Variants in ZNF644 observed in about 807,000 individuals in gnomAD.
The protein encoded by ZNF644 is zinc finger protein 644.
A neutral mutation model predicts 108.0 loss-of-function variants in ZNF644; 20 were observed. The ratio of observed to expected loss-of-function variants is 0.19; its 90% CI spans 0.13 to 0.27. The LOEUF (loss-of-function observed/expected upper bound fraction) is 0.27, where lower values mean the gene tolerates loss of function less well. ZNF644 is among the 10% of genes least tolerant of loss of function. ZNF644 has a pLI of 1.00. For missense variants in ZNF644, 1,338 were observed against 1,548.9 expected, an observed-to-expected ratio of 0.86 and a Z score of 2.29; for synonymous variants, 542 against 539.1, an observed-to-expected ratio of 1.01 and a Z score of -0.08.
chr1:90,987,519 G>A (rs1018509737), intron 1 of ZNF644, among the ~76,000 whole-genome samples: 1 of 152,002 alleles, frequency 6.6e-6, no homozygotes, highest in African/African-American at 2.4e-5. Context: ...CTAGTAAACA[G>A]AGATTGGATG....
intron 2 of ZNF644, among the ~76,000 whole-genome samples, chr1:90,969,499 T>C (rs568463924): frequency 1.3e-5 from 2 of 152,312 alleles, no homozygotes; most frequent in East Asian, 3.9e-4. Flanking sequence ...ATTCCAAAAA[T>C]AAACAATTCA....
intron 1 of ZNF644, among the ~76,000 whole-genome samples, chr1:90,991,295 A>T (rs780340481): frequency 1.3e-5 from 2 of 152,010 alleles, no homozygotes; most frequent in Non-Finnish European, 2.9e-5. Context: ...TTGGTGAACA[A>T]GTGGAGGAAC....
chr1:91,001,012 A>G (rs906945151), intron 1 of ZNF644, among the ~76,000 whole-genome samples: 2 of 152,228 alleles, frequency 1.3e-5, no homozygotes, highest in Non-Finnish European at 2.9e-5. Flanking sequence ...GAATAGACCA[A>G]TAACAGACTC....
chr1:91,015,534 G>T (rs1435750781), intron 1 of ZNF644, among the ~76,000 whole-genome samples: 1 of 152,206 alleles, frequency 6.6e-6, no homozygotes, highest in East Asian at 1.9e-4. Context: ...AAAGGAGAGT[G>T]AAGAAATTCA....
rs1022848787 is a variant in ZNF644, at chr1:90,924,251, A to T, written c.3689-6097T>A. Among the ~76,000 whole-genome samples, 12 of 152,308 alleles carry T rather than the reference A, an allele frequency of 7.9e-5. 1 individual carries two copies. The highest frequency in any genetic ancestry group is 7.2e-4 in the Admixed American group (11 of 15,294). On this transcript the variant is annotated intron_variant, in intron 4 of 5. Coordinates refer to ENST00000337393, the MANE Select transcript of ZNF644 (RefSeq NM_201269.3). The stretch of plus-strand genomic sequence containing the variant: ...TTACTTCTTTGTGGTGACAGGTAAG[A>T]AAATAACATTTAAAAATTTCTTTTC...
chr1:90,936,860 G>C (rs1267328583), intron 4 of ZNF644, among the ~76,000 whole-genome samples: 2 of 152,156 alleles, frequency 1.3e-5, no homozygotes, highest in African/African-American at 2.4e-5. Context: ...TGTTCCATTA[G>C]AGCACTATCT....
At chr1:90,952,208 G>A (rs548096340) in intron 2 of ZNF644, among the ~76,000 whole-genome samples, 12 of 152,114 alleles carry the variant, frequency 7.9e-5, no homozygotes, top group Non-Finnish European at 1.5e-4. Flanking sequence ...GTAAAGACTG[G>A]CTTTGTTAAA....
chr1:90,980,944 T>C (rs1656487716), intron 2 of ZNF644, among the ~76,000 whole-genome samples: 2 of 152,134 alleles, frequency 1.3e-5, no homozygotes, highest in African/African-American at 2.4e-5. Flanking sequence ...AATTTTATGT[T>C]ACCATATATA....
rs186842199 is a variant in ZNF644 at position 90,960,360 on chromosome 1, T to C, written c.45-19051A>G. Among the ~76,000 whole-genome samples, 351 of 152,156 alleles carry C rather than the reference T, an allele frequency of 2.3e-3. 1 individual carries two copies. Among genetic ancestry groups the C allele is most frequent in the Non-Finnish European group, 4.3e-3 (290 of 67,968 alleles). ...ATGAACGTGGTGCATTTTAAGAGCT[T>C]AGGTAAAACAGAAAAGGCATTAAAT... On this transcript the variant is annotated intron_variant, in intron 2 of 5. Transcript: ENST00000337393.
rs1409547768 is a variant in ZNF644 at position 90,915,352 on chromosome 1, T to C, written c.*1446A>G. 6.6e-6 allele frequency: 1 copy of C among 152,602 alleles called. No individual in the cohort carries two copies. The highest frequency in any genetic ancestry group is 1.5e-5 in the Non-Finnish European group (1 of 68,002). The allele number at this position is 152,602 out of a possible 1,614,324, so 9.5% of individuals were successfully genotyped here. A position where few individuals can be genotyped will look rare whatever the true frequency, so the allele number is the denominator to read the frequency against. ...TAGAGATTTTTCTGGTAAGGAGATA[T>C]ACCATAGGAAAGCAATTTCACTGGC... On this transcript the variant is annotated 3_prime_UTR_variant, in exon 6 of 6. Coordinates refer to ENST00000337393, the MANE Select transcript of ZNF644 (RefSeq NM_201269.3).
chr1:90,959,238 A>G (rs1240591714), intron 2 of ZNF644, among the ~76,000 whole-genome samples: 1 of 152,198 alleles, frequency 6.6e-6, no homozygotes, highest in Non-Finnish European at 1.5e-5. Flanking sequence ...AGCTTTAATA[A>G]ACAAACGAAA....
chr1:90,970,236 A>C (rs1655318257), intron 2 of ZNF644, among the ~76,000 whole-genome samples: 1 of 152,184 alleles, frequency 6.6e-6, no homozygotes, highest in South Asian at 2.1e-4. Context: ...AAACATATGG[A>C]TCTCCTTTCA....
At chr1:90,944,658 T>C (rs982826445) in intron 2 of ZNF644, among the ~76,000 whole-genome samples, 4 of 152,164 alleles carry the variant, frequency 2.6e-5, no homozygotes, top group South Asian at 2.1e-4. Context: ...ATCTATACTG[T>C]CCATTTTCTG....
chr1:90,991,343 T>C (rs1019041380), intron 1 of ZNF644, among the ~76,000 whole-genome samples: 2 of 152,198 alleles, frequency 1.3e-5, no homozygotes, highest in African/African-American at 4.8e-5. Flanking sequence ...GATAAAATGG[T>C]ACAACCACTT....
intron 2 of ZNF644, among the ~76,000 whole-genome samples, chr1:90,962,459 A>G (rs1199531566): frequency 1.3e-5 from 2 of 152,078 alleles, no homozygotes; most frequent in Non-Finnish European, 2.9e-5. Context: ...CATGTAAGAA[A>G]AGGTGATTCT....
intron 1 of ZNF644, among the ~76,000 whole-genome samples, chr1:90,997,736 G>C (rs1658293655): frequency 6.6e-6 from 1 of 152,190 alleles, no homozygotes; most frequent in South Asian, 2.1e-4. Flanking sequence ...AGCCGAAGCA[G>C]GGCGAGGCAT....
intron 2 of ZNF644, among the ~76,000 whole-genome samples, chr1:90,949,738 A>T (rs901588493): frequency 1.6e-4 from 25 of 152,360 alleles, no homozygotes; most frequent in Admixed American, 1.3e-3. Flanking sequence ...TACAGATTAT[A>T]TGCAAATACA....
chr1:90,943,098 G>C (rs1359119498), intron 2 of ZNF644, among the ~76,000 whole-genome samples: 1 of 151,906 alleles, frequency 6.6e-6, no homozygotes, highest in African/African-American at 2.4e-5. Context: ...ATCCTTTAAG[G>C]GTACCAATTT....
At chr1:90,974,188 A>G (rs1405594156) in intron 2 of ZNF644, among the ~76,000 whole-genome samples, 2 of 152,066 alleles carry the variant, frequency 1.3e-5, no homozygotes, top group Non-Finnish European at 1.5e-5. Flanking sequence ...AAAAATACAA[A>G]AATTAGCTGG....
Sources: gnomAD v4.1 joint callset for allele counts (sites outside exome capture counted in the v4.1 genomes callset) on GRCh38, gnomAD v4.1.1 for gene constraint, MANE v1.5 for transcripts, NCBI Gene and HGNC (gene_info 2026-07-23, HGNC 2026-07-21) for gene names.